Variants in DLG2 observed in about 807,000 individuals in gnomAD.
DLG2 encodes discs large MAGUK scaffold protein 2.
A neutral mutation model predicts 132.5 loss-of-function variants in DLG2; 45 were observed. The ratio of observed to expected loss-of-function variants is 0.34; its 90% confidence interval spans 0.27 to 0.44. The LOEUF is 0.44. DLG2 is among the 20% of genes least tolerant of loss of function. DLG2 has a pLI of 1.00. For missense variants in DLG2, 1,045 were observed against 1,196.9 expected (o/e 0.87, Z 1.87); for synonymous variants, 424 against 419.6 (o/e 1.01, Z -0.13).
intron 7 of DLG2, among the ~76,000 whole-genome samples, chr11:84,470,658 C>G (rs537304154): frequency 6.6e-6 from 1 of 151,682 alleles, no homozygotes; most frequent in African/African-American, 2.4e-5. Context: ...TGGTAAGGAC[C>G]ATTCTCCCTG....
At chr11:85,011,550 C>A (rs981600427) in intron 6 of DLG2, among the ~76,000 whole-genome samples, 4 of 152,286 alleles carry the variant, frequency 2.6e-5, no homozygotes, top group South Asian at 2.1e-4. Context: ...AAAATACTTT[C>A]TTTGACTTCG....
At chr11:85,293,854 G>A (rs2079056757) in intron 3 of DLG2, among the ~76,000 whole-genome samples, 1 of 152,068 alleles carries the variant, frequency 6.6e-6, no homozygotes, top group Non-Finnish European at 1.5e-5. Context: ...GAATATTCTT[G>A]GTTTTAGAAA....
chr11:84,101,746 T>C (rs2092544317), intron 9 of DLG2, among the ~76,000 whole-genome samples: 1 of 152,020 alleles, frequency 6.6e-6, no homozygotes, highest in Non-Finnish European at 1.5e-5. Context: ...CTAGAGTATA[T>C]TGGTCTCACT....
intron 6 of DLG2, among the ~76,000 whole-genome samples, chr11:84,830,571 G>T (rs2078904965): frequency 1.3e-5 from 2 of 151,518 alleles, no homozygotes; most frequent in Admixed American, 1.3e-4. Flanking sequence ...CAAGTCCCAA[G>T]TGACTCCAAT....
At chr11:85,428,109 G>A (rs1377668556) in intron 3 of DLG2, among the ~76,000 whole-genome samples, 1 of 152,206 alleles carries the variant, frequency 6.6e-6, no homozygotes, top group Non-Finnish European at 1.5e-5. Flanking sequence ...CAATACAGGA[G>A]CACCCAGATT....
At chr11:84,417,965 C>T (rs1280228165) in intron 7 of DLG2, among the ~76,000 whole-genome samples, 3 of 152,164 alleles carry the variant, frequency 2.0e-5, no homozygotes, top group Non-Finnish European at 4.4e-5. Flanking sequence ...AAATTATACA[C>T]TTTACATGTA....
At chr11:84,638,526 G>A (rs189272415) in intron 6 of DLG2, among the ~76,000 whole-genome samples, 1 of 152,284 alleles carries the variant, frequency 6.6e-6, no homozygotes, top group Non-Finnish European at 1.5e-5. Context: ...GCAACAAAAT[G>A]ATGAAGCTAT....
At chr11:83,520,700 T>TAGAC (rs988034813) in intron 21 of DLG2, among the ~76,000 whole-genome samples, 6 of 67,036 alleles carry the variant, frequency 9.0e-5, no homozygotes, top group Admixed American at 6.9e-4. Context: ...GGTAGGTAGA[T>TAGAC]AGATAGATAG....
chr11:84,807,249 C>T (rs2076096965), intron 6 of DLG2, among the ~76,000 whole-genome samples: 2 of 152,094 alleles, frequency 1.3e-5, no homozygotes, highest in Non-Finnish European at 2.9e-5. Context: ...ACTTTGAGAC[C>T]AGCCTGGCTA....
At chr11:83,565,404 C>T (rs901964516) in intron 19 of DLG2, among the ~76,000 whole-genome samples, 1 of 152,146 alleles carries the variant, frequency 6.6e-6, no homozygotes, top group African/African-American at 2.4e-5. Flanking sequence ...AAAAAGGCAG[C>T]CAGGATAATA....
chr11:84,385,202 C>T (rs2154435603), intron 7 of DLG2, among the ~76,000 whole-genome samples: 1 of 152,088 alleles, frequency 6.6e-6, no homozygotes, highest in African/African-American at 2.4e-5. Flanking sequence ...ATCTCTAAAT[C>T]ATCTAAAGCA....
intron 7 of DLG2, among the ~76,000 whole-genome samples, chr11:84,335,286 G>T (rs1390523570): frequency 2.6e-5 from 4 of 151,640 alleles, no homozygotes; most frequent in South Asian, 4.1e-4. Context: ...GGGAGGAAAA[G>T]GTAGACAACC....
chr11:83,660,618 T>A (rs1353035492), intron 18 of DLG2, among the ~76,000 whole-genome samples: 1 of 152,148 alleles, frequency 6.6e-6, no homozygotes. Context: ...GAAGCACATA[T>A]GATATAATAC....
chr11:84,390,543 C>A (rs147221210), intron 7 of DLG2, among the ~76,000 whole-genome samples: 1 of 152,144 alleles, frequency 6.6e-6, no homozygotes, highest in Non-Finnish European at 1.5e-5. Context: ...GTATGAGTTT[C>A]GAATGGCAAG....
intron 4 of DLG2, among the ~76,000 whole-genome samples, chr11:85,244,539 A>G (rs1179430887): frequency 1.3e-5 from 2 of 151,982 alleles, no homozygotes; most frequent in Non-Finnish European, 2.9e-5. Flanking sequence ...GGATGGTGTA[A>G]TGAATTTGTG....
chr11:83,631,074 A>T (rs1172688781), intron 19 of DLG2: 2 of 152,084 alleles, frequency 1.3e-5, no homozygotes, highest in Non-Finnish European at 1.5e-5. Context: ...TCTGTATGAA[A>T]ATCCTGTAGC....
intron 7 of DLG2, among the ~76,000 whole-genome samples, chr11:84,372,551 T>A (rs1018214192): frequency 3.9e-5 from 6 of 152,206 alleles, no homozygotes; most frequent in Admixed American, 6.5e-5. Context: ...TGCTTCAATT[T>A]GTGGTTGCTT....
chr11:84,508,946 C>T (rs2099249874), intron 7 of DLG2, among the ~76,000 whole-genome samples: 1 of 152,090 alleles, frequency 6.6e-6, no homozygotes, highest in Admixed American at 6.5e-5. Context: ...AAATGACTGA[C>T]CGTCTTACTA....
chr11:83,859,650 A>C (rs917721470), intron 16 of DLG2, among the ~76,000 whole-genome samples: 8 of 152,238 alleles, frequency 5.3e-5, no homozygotes, highest in African/African-American at 1.9e-4. Flanking sequence ...ATAGAAAAGA[A>C]AATCTCATTT....
Sources: gnomAD v4.1 joint callset for allele counts (sites outside exome capture counted in the v4.1 genomes callset) on GRCh38, gnomAD v4.1.1 for gene constraint, MANE v1.5 for transcripts, NCBI Gene and HGNC (gene_info 2026-07-23, HGNC 2026-07-21) for gene names.